The following MACROD2 variants were observed in gnomAD, a reference collection of about 807,000 sequenced individuals.
The protein encoded by MACROD2 is ADP-ribose glycohydrolase MACROD2.
In MACROD2, 36 loss-of-function variants were observed where a neutral mutation model predicts 70.4. That is an observed-to-expected ratio of 0.51 (90% CI 0.39 to 0.68). The LOEUF (loss-of-function observed/expected upper bound fraction) is 0.68. MACROD2 is among the 30% of genes least tolerant of loss of function. The pLI is 0.00. For synonymous variants in MACROD2, 172 were observed against 178.8 expected, an observed-to-expected ratio of 0.96 and a Z score of 0.30; for missense variants, 496 against 538.4, an observed-to-expected ratio of 0.92 and a Z score of 0.78.
At chr20:14,957,099 AT>A (rs574332968) in intron 5 of MACROD2, among the ~76,000 whole-genome samples, 1 of 151,894 alleles carries the variant, frequency 6.6e-6, no homozygotes, top group East Asian at 1.9e-4. Flanking sequence ...ATTATCAATG[AT>A]TTTTTTTAGT....
At chr20:14,101,824 CAT>C (rs2054305626) in intron 3 of MACROD2, among the ~76,000 whole-genome samples, 1 of 151,212 alleles carries the variant, frequency 6.6e-6, no homozygotes, top group Admixed American at 6.6e-5. Context: ...GCATTTATTC[CAT>C]GTTATTTTGA....
intron 8 of MACROD2, among the ~76,000 whole-genome samples, chr20:15,853,314 C>A (rs893782033): frequency 1.2e-4 from 18 of 152,152 alleles, no homozygotes; most frequent in African/African-American, 4.3e-4. Flanking sequence ...TTATAATCAA[C>A]GGTGGCAGGC....
intron 5 of MACROD2, among the ~76,000 whole-genome samples, chr20:15,208,027 G>A (rs1475716883): frequency 6.6e-6 from 1 of 152,034 alleles, no homozygotes; most frequent in Non-Finnish European, 1.5e-5. Flanking sequence ...GTTCTTCTGA[G>A]ATTTCAGTGA....
intron 5 of MACROD2, among the ~76,000 whole-genome samples, chr20:14,875,088 A>G (rs991447141): frequency 3.3e-5 from 5 of 152,072 alleles, no homozygotes; most frequent in African/African-American, 9.7e-5. Context: ...TTCAATTTAG[A>G]AAAGACTATT....
At chr20:15,206,750 G>A (rs2076710342) in intron 5 of MACROD2, among the ~76,000 whole-genome samples, 1 of 16,930 alleles carries the variant, frequency 5.9e-5, no homozygotes. Context: ...TTTTTTTTGA[G>A]ACGGAGTCTC....
chr20:14,986,008 T>G (rs929801523), intron 5 of MACROD2, among the ~76,000 whole-genome samples: 4 of 152,136 alleles, frequency 2.6e-5, no homozygotes, highest in Admixed American at 6.5e-5. Context: ...CCCCATGGCC[T>G]TTGATTTTAG....
intron 6 of MACROD2, among the ~76,000 whole-genome samples, chr20:15,404,276 TTGC>T (rs1188858611): frequency 6.6e-6 from 1 of 152,248 alleles, no homozygotes; most frequent in Non-Finnish European, 1.5e-5. Flanking sequence ...TATTTTTTAT[TTGC>T]TGTTTTCTCA....
chr20:15,198,345 C>A (rs2076625085), intron 5 of MACROD2, among the ~76,000 whole-genome samples: 1 of 151,998 alleles, frequency 6.6e-6, no homozygotes. Flanking sequence ...TAAGGTAGTT[C>A]TTAATTTTCT....
chr20:15,101,533 T>TAAAAAAAAAAAAAAAA (rs1568573864), intron 5 of MACROD2, among the ~76,000 whole-genome samples: 1 of 7,502 alleles, frequency 1.3e-4, no homozygotes, highest in African/African-American at 2.3e-4. Context: ...AGGTGTTGGT[T>TAAAAAAAAAAAAAAAA]CAAAAAAAAA....
At chr20:15,059,148 A>C (rs2075511547) in intron 5 of MACROD2, among the ~76,000 whole-genome samples, 1 of 152,218 alleles carries the variant, frequency 6.6e-6, no homozygotes. Flanking sequence ...TTGTGATCCC[A>C]GCACTTTGGG....
intron 15 of MACROD2, among the ~76,000 whole-genome samples, chr20:15,997,313 A>G (rs2066646241): frequency 6.6e-6 from 1 of 152,190 alleles, no homozygotes. Context: ...TTTTAACAAC[A>G]TTAATTCTTT....
chr20:15,370,053 T>C (rs1323993937), intron 6 of MACROD2, among the ~76,000 whole-genome samples: 1 of 152,124 alleles, frequency 6.6e-6, no homozygotes, highest in Non-Finnish European at 1.5e-5. Context: ...CTATTTAGTA[T>C]ATACCTTGGA....
At chr20:14,507,232 T>G (rs555169203) in intron 4 of MACROD2, among the ~76,000 whole-genome samples, 1 of 152,210 alleles carries the variant, frequency 6.6e-6, no homozygotes, top group African/African-American at 2.4e-5. Context: ...GGCCATTATT[T>G]CTTCAAATAT....
intron 8 of MACROD2, among the ~76,000 whole-genome samples, chr20:15,795,318 T>C (rs368281646): frequency 8.2e-4 from 125 of 152,226 alleles, no homozygotes; most frequent in African/African-American, 2.5e-3. Context: ...TCTATAGATA[T>C]CTGACTAAAG....
intron 7 of MACROD2, among the ~76,000 whole-genome samples, chr20:15,466,387 C>T (rs2046888462): frequency 6.6e-6 from 1 of 152,170 alleles, no homozygotes; most frequent in Non-Finnish European, 1.5e-5. Context: ...ACAATCCCAC[C>T]TGCATACAGC....
intron 7 of MACROD2, among the ~76,000 whole-genome samples, chr20:15,491,982 C>T (rs563048238): frequency 6.6e-5 from 10 of 152,344 alleles, no homozygotes; most frequent in Middle Eastern, 3.4e-3. Context: ...ACTCTCTTAA[C>T]GACAGACTGT....
At chr20:14,950,340 A>G in intron 5 of MACROD2, among the ~76,000 whole-genome samples, 1 of 152,090 alleles carries the variant, frequency 6.6e-6, no homozygotes, top group East Asian at 1.9e-4. Context: ...TGACTCTTCC[A>G]CAGATCTCTT....
At chr20:14,859,838 A>G (rs1239627429) in intron 5 of MACROD2, among the ~76,000 whole-genome samples, 1 of 152,138 alleles carries the variant, frequency 6.6e-6, no homozygotes, top group East Asian at 1.9e-4. Flanking sequence ...TGTCATTCTC[A>G]GTTCCCTTAA....
chr20:15,370,868 A>G (rs971126840), intron 6 of MACROD2, among the ~76,000 whole-genome samples: 1 of 152,070 alleles, frequency 6.6e-6, no homozygotes, highest in Non-Finnish European at 1.5e-5. Context: ...AAGAGACTCA[A>G]TGTAATTTAT....
Sources: gnomAD v4.1 joint callset for allele counts (sites outside exome capture counted in the v4.1 genomes callset) on GRCh38, gnomAD v4.1.1 for gene constraint, MANE v1.5 for transcripts, NCBI Gene and HGNC (gene_info 2026-07-23, HGNC 2026-07-21) for gene names.